ATXN2: variants seen among roughly 807,000 people sequenced by gnomAD.
The protein encoded by ATXN2 is ataxin-2.
Under a neutral mutation model 138.6 loss-of-function variants are expected in ATXN2, and 37 were observed. The ratio of observed to expected loss-of-function variants is 0.27; its 90% CI spans 0.21 to 0.35. The LOEUF is 0.35. ATXN2 is among the 10% of genes least tolerant of loss of function. The pLI, the probability that ATXN2 is intolerant of heterozygous loss-of-function variation, is 1.00. For synonymous variants in ATXN2, 549 were observed against 543.7 expected (o/e 1.01, Z -0.13); for missense variants, 1,216 against 1,480.3 (o/e 0.82, Z 2.93).
intron 1 of ATXN2, among the ~76,000 whole-genome samples, chr12:111,596,583 G>A (rs1388950900): frequency 6.6e-6 from 1 of 152,092 alleles, no homozygotes; most frequent in Non-Finnish European, 1.5e-5. Context: ...TACAAGGAAT[G>A]CAGGAAAGTG....
chr12:111,597,133 T>C (rs1884975966), intron 1 of ATXN2, among the ~76,000 whole-genome samples: 1 of 128,196 alleles, frequency 7.8e-6, no homozygotes, highest in Admixed American at 1.0e-4. Flanking sequence ...GTGTTTGGGA[T>C]GCTTCAGACT....
At chr12:111,586,849 G>A (rs1050673068) in intron 1 of ATXN2, among the ~76,000 whole-genome samples, 1 of 152,054 alleles carries the variant, frequency 6.6e-6, no homozygotes. Flanking sequence ...TCACGCTACT[G>A]TTATTTCTCA....
chr12:111,471,990 C>A (rs1196978501), intron 18 of ATXN2: 2 of 152,098 alleles, frequency 1.3e-5, no homozygotes, highest in African/African-American at 4.8e-5. Context: ...CCAGGCCAGG[C>A]GCAGTGGCTC....
In ATXN2 at chr12:111,539,005, T is replaced by A. The variant is rs931684795; in HGVS notation, c.571+13275A>T. ...ACGTACGTAATACTAGATTGCTGATTCCCACACTATCTCCTAAAAAGATCA... is the reference window on the plus strand; with the variant it reads ...ACGTACGTAATACTAGATTGCTGATACCCACACTATCTCCTAAAAAGATCA... On this transcript the variant is annotated intron_variant, in intron 5 of 24. Coordinates refer to ENST00000673436, the MANE Select transcript of ATXN2 (RefSeq NM_001372574.1). Among the ~76,000 whole-genome samples the A allele has an allele frequency of 2.7e-5, 4 of 150,348 alleles. 1 individual carries two copies. Among genetic ancestry groups the A allele is most frequent in the Non-Finnish European group, 6.0e-5 (4 of 67,108 alleles).
chr12:111,507,167 C>T (rs1285982301), intron 14 of ATXN2, among the ~76,000 whole-genome samples: 1 of 151,358 alleles, frequency 6.6e-6, no homozygotes, highest in Non-Finnish European at 1.5e-5. Context: ...GCTGCCCAGT[C>T]TGGGAAGTGA....
At position 111,578,828 on chromosome 12, in the gene ATXN2, C is replaced by A. The variant is rs374300190; in HGVS notation, c.251+19956G>T. On this transcript the variant is annotated intron_variant, in intron 1 of 24. Transcript: ENST00000673436. ...GGCTGAGGTAGATGAATCACTTGAG[C>A]CCAGGAGTTCAACACCACCCAGGGC... 2.3e-4 allele frequency among the ~76,000 whole-genome samples: 35 copies of A among 152,162 alleles called. 1 individual carries two copies. In the South Asian group the frequency reaches 6.4e-3, roughly 28 times the overall value.
intron 18 of ATXN2, among the ~76,000 whole-genome samples, chr12:111,473,639 C>T (rs1876577221): frequency 6.6e-6 from 1 of 151,944 alleles, no homozygotes; most frequent in Non-Finnish European, 1.5e-5. Context: ...AAAATTAAGG[C>T]GCTAAAGGGA....
intron 15 of ATXN2, among the ~76,000 whole-genome samples, chr12:111,488,118 T>C (rs1877762360): frequency 6.6e-6 from 1 of 152,160 alleles, no homozygotes; most frequent in Non-Finnish European, 1.5e-5. Context: ...CAGTGGCAGT[T>C]TTTCAACCTA....
chr12:111,523,394 T>C (rs1880296802), intron 6 of ATXN2, among the ~76,000 whole-genome samples: 1 of 152,284 alleles, frequency 6.6e-6, no homozygotes, highest in Admixed American at 6.5e-5. Context: ...GCTATATTGA[T>C]AGACACTTAG....
intron 18 of ATXN2, among the ~76,000 whole-genome samples, chr12:111,484,528 G>C (rs965548110): frequency 6.6e-6 from 1 of 152,064 alleles, no homozygotes; most frequent in African/African-American, 2.4e-5. Flanking sequence ...TGCCTCCCGG[G>C]TTCAAGCAAT....
At chr12:111,546,627 A>C (rs947339126) in intron 5 of ATXN2, among the ~76,000 whole-genome samples, 1 of 152,188 alleles carries the variant, frequency 6.6e-6, no homozygotes, top group Non-Finnish European at 1.5e-5. Context: ...ATAATGGCGC[A>C]ACAGGAAGAG....
chr12:111,467,909 A>G (rs1725399385), intron 20 of ATXN2, among the ~76,000 whole-genome samples: 1 of 152,250 alleles, frequency 6.6e-6, no homozygotes, highest in Admixed American at 6.5e-5. Context: ...CAATGAGGAG[A>G]AAGATTCGGC....
intron 1 of ATXN2, among the ~76,000 whole-genome samples, chr12:111,593,284 G>A (rs539771224): frequency 7.9e-5 from 12 of 151,902 alleles, no homozygotes; most frequent in African/African-American, 2.7e-4. Flanking sequence ...AGTAGAGATG[G>A]GGGTTTCACC....
chr12:111,556,750 A>G (rs1225038842), intron 1 of ATXN2, among the ~76,000 whole-genome samples: 1 of 150,082 alleles, frequency 6.7e-6, no homozygotes, highest in African/African-American at 2.5e-5. Flanking sequence ...TGGGAGGTGG[A>G]GGTTGCAGTG....
At chr12:111,485,645 TAA>T (rs1190814947) in intron 17 of ATXN2, 66 bp downstream of exon 17, 9 of 1,571,500 alleles carry the variant, frequency 5.7e-6, no homozygotes, top group Admixed American at 1.7e-5. Context: ...ACTGAAAACC[TAA>T]AGAGTGCTTG....
chr12:111,452,964 C>T (rs1047537491), intron 24 of ATXN2, 124 bp from the exon 25 acceptor site: 5 of 1,063,094 alleles, frequency 4.7e-6, no homozygotes, highest in South Asian at 2.8e-5. Flanking sequence ...AAATTGAATT[C>T]GCTTTTCCCC....
intron 5 of ATXN2, among the ~76,000 whole-genome samples, chr12:111,543,433 T>C (rs1881639874): frequency 6.6e-6 from 1 of 152,110 alleles, no homozygotes; most frequent in Non-Finnish European, 1.5e-5. Flanking sequence ...TCTACACAAT[T>C]CTTTTATTTT....
At chr12:111,594,444 T>C (rs1243997877) in intron 1 of ATXN2, among the ~76,000 whole-genome samples, 1 of 152,112 alleles carries the variant, frequency 6.6e-6, no homozygotes, top group Non-Finnish European at 1.5e-5. Flanking sequence ...GCTCAAGTGA[T>C]GCTCCTGCCT....
Position 111,598,990 on chromosome 12 carries a change from C to CTGT in ATXN2, c.44_45insACA (p.Gln28dup), listed in dbSNP as rs1402537376. On this transcript the variant is annotated inframe_insertion, in exon 1 of 25. Transcript: ENST00000673436. The surrounding 1 kb of genome is among the most constrained non-coding windows in gnomAD (Gnocchi z 4.5). The stretch of plus-strand genomic sequence containing the variant: ...GCTGCTGCTGCTGTTGCTGCTGCTG[C>CTGT]TGCTGCTGCTGCTGCTGCTGCTGCT... The CTGT allele has an allele frequency of 3.0e-5, 43 of 1,429,734 alleles. No individual in the cohort carries two copies. The highest frequency in any genetic ancestry group is 4.7e-4 in the Middle Eastern group (2 of 4,288). The allele number at this position is 1,429,734 out of a possible 1,614,324, so 88.6% of individuals were successfully genotyped here.
Sources: gnomAD v4.1 joint callset for allele counts (sites outside exome capture counted in the v4.1 genomes callset) on GRCh38, gnomAD v4.1.1 for gene constraint, Gnocchi (gnomAD v3.1) non-coding constraint, MANE v1.5 for transcripts, NCBI Gene and HGNC (gene_info 2026-07-23, HGNC 2026-07-21) for gene names.